The following ALCAM variants were observed in gnomAD, a reference collection of about 807,000 sequenced individuals.
The protein encoded by ALCAM is CD166 antigen.
A neutral mutation model predicts 70.9 loss-of-function variants in ALCAM; 30 were observed. The ratio of observed to expected loss-of-function variants is 0.42; its 90% CI spans 0.32 to 0.57. ALCAM has a LOEUF of 0.57. Among genes scored for constraint, ALCAM ranks in the 20% least tolerant of loss-of-function variants. ALCAM has a pLI of 0.11. For missense variants in ALCAM, 591 were observed against 695.1 expected, an observed-to-expected ratio of 0.85 and a Z score of 1.68; for synonymous variants, 249 against 242.5, an observed-to-expected ratio of 1.03 and a Z score of -0.25.
At chr3:105,434,779 G>A (rs557975279) in intron 1 of ALCAM, among the ~76,000 whole-genome samples, 17 of 152,160 alleles carry the variant, frequency 1.1e-4, no homozygotes, top group African/African-American at 3.6e-4. Context: ...TTTTGAAGGT[G>A]CTCGTGAAAT....
chr3:105,437,251 T>C (rs1937069472), intron 1 of ALCAM, among the ~76,000 whole-genome samples: 1 of 152,238 alleles, frequency 6.6e-6, no homozygotes, highest in Admixed American at 6.5e-5. Context: ...AAAGTTTTTT[T>C]ATTTTACTTA....
In ALCAM at chr3:105,484,581, G is replaced by A. The variant is rs545014604; in HGVS notation, c.74-35486G>A. 1.4e-4 allele frequency among the ~76,000 whole-genome samples: 21 copies of A among 152,094 alleles called. No homozygotes were observed. The East Asian group carries it at 3.9e-3, about 28-fold the overall frequency. ...TTGAAAAATATTTACCAAAACTCAA[G>A]CTTTCTGAGCCAAAGTCAATGTGGA... is the stretch of plus-strand genomic sequence containing the variant. On this transcript the variant is annotated intron_variant, in intron 1 of 15. Transcript: ENST00000306107.
chr3:105,555,501 A>G (rs143480756), intron 14 of ALCAM, among the ~76,000 whole-genome samples: 1 of 152,154 alleles, frequency 6.6e-6, no homozygotes, highest in East Asian at 1.9e-4. Flanking sequence ...CAGATTCATA[A>G]TAAGATCTTT....
At chr3:105,430,474 T>G (rs1936902195) in intron 1 of ALCAM, among the ~76,000 whole-genome samples, 1 of 152,064 alleles carries the variant, frequency 6.6e-6, no homozygotes, top group African/African-American at 2.4e-5. Flanking sequence ...TTGTCTGACA[T>G]TTTTCTTATG....
chr3:105,550,392 A>T, intron 12 of ALCAM, 133 bp downstream of exon 12: 1 of 913,978 alleles, frequency 1.1e-6, no homozygotes, highest in Non-Finnish European at 1.6e-6. Context: ...ATTTGGTATC[A>T]TCATCATAAG....
At chr3:105,381,885 CT>C (rs140445022) in intron 1 of ALCAM, among the ~76,000 whole-genome samples, 16,817 of 150,484 alleles carry the variant, frequency 0.11, 1,166 homozygotes, top group Middle Eastern at 0.18. Context: ...TGAATCAACT[CT>C]TTTTTTTATT....
chr3:105,394,288 T>C (rs1935894633), intron 1 of ALCAM, among the ~76,000 whole-genome samples: 3 of 151,996 alleles, frequency 2.0e-5, no homozygotes, highest in African/African-American at 7.2e-5. Flanking sequence ...CCTATGTATG[T>C]CTGTGTCTGA....
At chr3:105,547,651 A>G in intron 11 of ALCAM, 128 bp downstream of exon 11, 6 of 1,176,320 alleles carry the variant, frequency 5.1e-6, no homozygotes, top group Non-Finnish European at 7.1e-6. Context: ...TTGTTACCAC[A>G]TAGAATTTGC....
At chr3:105,489,488 A>G (rs1245730567) in intron 1 of ALCAM, among the ~76,000 whole-genome samples, 1 of 152,160 alleles carries the variant, frequency 6.6e-6, no homozygotes. Context: ...ATTCTCTTAA[A>G]TACAGGACAA....
chr3:105,456,115 A>C (rs1051374546), intron 1 of ALCAM, among the ~76,000 whole-genome samples: 7 of 152,172 alleles, frequency 4.6e-5, no homozygotes, highest in African/African-American at 1.7e-4. Context: ...CAAACAAAAA[A>C]GTAGGTGTAA....
intron 1 of ALCAM, among the ~76,000 whole-genome samples, chr3:105,518,385 G>A (rs984520665): frequency 6.6e-6 from 1 of 152,086 alleles, no homozygotes; most frequent in Admixed American, 6.6e-5. Context: ...CCTTGGCTTT[G>A]CAGACCTCTA....
chr3:105,467,486 T>C (rs1426771948), intron 1 of ALCAM, among the ~76,000 whole-genome samples: 2 of 151,178 alleles, frequency 1.3e-5, no homozygotes, highest in African/African-American at 4.8e-5. Context: ...CACAGGGAAA[T>C]GTTGACTATA....
rs556095864 is a variant in ALCAM at position 105,380,611 on chromosome 3, G to GA, written c.73+13138dup. Among the ~76,000 whole-genome samples the GA allele has an allele frequency of 9.2e-5, 14 of 151,592 alleles. No individual in the cohort carries two copies. The South Asian group carries it at 2.9e-3, about 32-fold the overall frequency. On this transcript the variant is annotated intron_variant, in intron 1 of 15. Coordinates refer to ENST00000306107, the MANE Select transcript of ALCAM (RefSeq NM_001627.4). ...TAATTTTACCTGAAGTCTAATTAAG[G>GA]AAAAAAAATTCAATGATGGGCCTCA... is the stretch of plus-strand genomic sequence containing the variant.
Position 105,515,923 on chromosome 3 carries a change from GTC to G in ALCAM, c.74-4140_74-4139del, listed in dbSNP as rs1314490744. ...AGGGACAGTTCATTTGTTCAAATAA[GTC>G]TCTGTAAAATTTTTGTGAAACCGGC... On this transcript the variant is annotated intron_variant, in intron 1 of 15. Transcript: ENST00000306107. Among the ~76,000 whole-genome samples, 14 of 152,092 alleles carry G rather than the reference GTC, an allele frequency of 9.2e-5. No homozygotes were observed. In the East Asian group the frequency reaches 1.2e-3, roughly 13 times the overall value.
chr3:105,531,569 A>C (rs1217022983), intron 3 of ALCAM, among the ~76,000 whole-genome samples: 1 of 152,022 alleles, frequency 6.6e-6, no homozygotes, highest in African/African-American at 2.4e-5. Context: ...AATAGGGCTC[A>C]GAAATCTGAA....
chr3:105,574,092 A>G (rs1283249448), intron 15 of ALCAM, among the ~76,000 whole-genome samples: 1 of 152,142 alleles, frequency 6.6e-6, no homozygotes, highest in Non-Finnish European at 1.5e-5. Flanking sequence ...TTGTAAACAT[A>G]GATTTTAACT....
chr3:105,417,489 A>G (rs1576149562), intron 1 of ALCAM, among the ~76,000 whole-genome samples: 1 of 151,738 alleles, frequency 6.6e-6, no homozygotes, highest in South Asian at 2.1e-4. Flanking sequence ...TGAATAAACT[A>G]TAGTGAGAAG....
chr3:105,458,257 T>C (rs1270259473), intron 1 of ALCAM, among the ~76,000 whole-genome samples: 4 of 152,174 alleles, frequency 2.6e-5, no homozygotes, highest in Non-Finnish European at 5.9e-5. Flanking sequence ...TAAGCAATGA[T>C]GAATTTGAAG....
intron 1 of ALCAM, among the ~76,000 whole-genome samples, chr3:105,468,467 C>T (rs905591705): frequency 6.6e-6 from 1 of 151,112 alleles, no homozygotes; most frequent in African/African-American, 2.4e-5. Context: ...AGCATCCATT[C>T]AATAATATTA....
Sources: allele counts gnomAD v4.1 joint callset (sites outside exome capture counted in the v4.1 genomes callset), GRCh38; gene constraint gnomAD v4.1.1; transcripts MANE v1.5; gene names NCBI Gene and HGNC (gene_info 2026-07-23, HGNC 2026-07-21).